Variants in LRP1B observed in about 807,000 individuals in gnomAD.
LRP1B encodes low-density lipoprotein receptor-related protein 1B.
Under a neutral mutation model 556.6 loss-of-function variants are expected in LRP1B, and 217 were observed. That is an observed-to-expected ratio of 0.39 (90% CI 0.35 to 0.44). LRP1B has a LOEUF of 0.44. LRP1B is among the 20% of genes least tolerant of loss of function. LRP1B has a pLI of 1.00. For synonymous variants in LRP1B, 2,047 were observed against 1,865.8 expected (o/e 1.10, Z -2.50); for missense variants, 5,053 against 5,620.8 (o/e 0.90, Z 3.23).
Position 140,994,125 on chromosome 2 carries a change from T to A in LRP1B, c.2514A>T (p.Gly838=), listed in dbSNP as rs111231098. ...ENGTTCTFNP[G]EALPHICKAG... Reference sequence around the variant, plus strand: ...CTTTACATATGTGAGGTAGTGCTTCTCCAGGATTAACTAGAGTTAAAAAAA... The same window carrying A: ...CTTTACATATGTGAGGTAGTGCTTCACCAGGATTAACTAGAGTTAAAAAAA... The change falls in exon 16 of 91, where the codon GGA becomes GGT. Residue 838 remains glycine, a synonymous_variant. Coordinates refer to ENST00000389484, the MANE Select transcript of LRP1B (RefSeq NM_018557.3). The A allele has an allele frequency of 4.8e-5, 77 of 1,612,328 alleles. 1 individual carries two copies. In the Admixed American group the frequency reaches 9.5e-4, roughly 20 times the overall value.
At chr2:140,579,231 A>T (rs548375217) in intron 43 of LRP1B, among the ~76,000 whole-genome samples, 1 of 152,284 alleles carries the variant, frequency 6.6e-6, no homozygotes, top group Non-Finnish European at 1.5e-5. Context: ...TATATTGAAG[A>T]AAGATAGAGA....
At chr2:141,217,950 A>G (rs1234550675) in intron 6 of LRP1B, among the ~76,000 whole-genome samples, 1 of 152,190 alleles carries the variant, frequency 6.6e-6, no homozygotes, top group African/African-American at 2.4e-5. Flanking sequence ...TCAAAAGAAG[A>G]TATACAAGTG....
chr2:140,920,338 C>T (rs1694701246), intron 21 of LRP1B, among the ~76,000 whole-genome samples: 1 of 151,928 alleles, frequency 6.6e-6, no homozygotes, highest in South Asian at 2.1e-4. Context: ...ATTTAAAAAC[C>T]TACTGTGCCT....
At chr2:141,500,629 T>C (rs999735483) in intron 2 of LRP1B, among the ~76,000 whole-genome samples, 1 of 152,164 alleles carries the variant, frequency 6.6e-6, no homozygotes. Flanking sequence ...AGAAGGAATA[T>C]TATGGCAAAT....
chr2:142,120,100 C>A (rs1456752777), intron 1 of LRP1B, among the ~76,000 whole-genome samples: 1 of 127,976 alleles, frequency 7.8e-6, no homozygotes, highest in African/African-American at 3.0e-5. Context: ...CCACTCACTT[C>A]TTTACTACAG....
intron 7 of LRP1B, among the ~76,000 whole-genome samples, chr2:141,067,532 T>C (rs958092538): frequency 6.6e-6 from 1 of 152,056 alleles, no homozygotes; most frequent in Admixed American, 6.6e-5. Flanking sequence ...TCTGGAAACA[T>C]TCCCACTAGT....
chr2:141,291,971 C>A (rs1685984807), intron 3 of LRP1B, among the ~76,000 whole-genome samples: 1 of 151,066 alleles, frequency 6.6e-6, no homozygotes, highest in Admixed American at 6.6e-5. Context: ...TCCCCTATAC[C>A]AGGGGTCCCC....
chr2:141,202,892 CGACAGGCCCT>C (rs901911727), intron 6 of LRP1B, among the ~76,000 whole-genome samples: 21 of 152,116 alleles, frequency 1.4e-4, no homozygotes, highest in African/African-American at 5.1e-4. Flanking sequence ...CCCCACCCCC[CGACAGGCCCT>C]GGTGTGTGAT....
chr2:141,456,001 T>C (rs2105031701), intron 3 of LRP1B, among the ~76,000 whole-genome samples: 2 of 152,340 alleles, frequency 1.3e-5, no homozygotes, highest in Middle Eastern at 6.8e-3. Flanking sequence ...CATGGGCTTC[T>C]GGCTGAGTAC....
intron 1 of LRP1B, among the ~76,000 whole-genome samples, chr2:142,018,841 C>T (rs955725251): frequency 5.9e-5 from 9 of 151,754 alleles, no homozygotes; most frequent in East Asian, 1.9e-4. Flanking sequence ...AAGATAAATG[C>T]CTAAATTCTC....
At chr2:140,532,559 G>T (rs1263075207) in intron 47 of LRP1B, among the ~76,000 whole-genome samples, 1 of 151,850 alleles carries the variant, frequency 6.6e-6, no homozygotes, top group East Asian at 1.9e-4. Flanking sequence ...ACCACGCCTG[G>T]CTAATTTTTG....
intron 81 of LRP1B, among the ~76,000 whole-genome samples, chr2:140,322,436 A>G (rs1403374443): frequency 6.6e-6 from 1 of 152,050 alleles, no homozygotes. Flanking sequence ...AACTAAAGCC[A>G]ATGGAAGTTT....
At chr2:141,086,028 A>T (rs1451057724) in intron 7 of LRP1B, among the ~76,000 whole-genome samples, 1 of 152,200 alleles carries the variant, frequency 6.6e-6, no homozygotes, top group Non-Finnish European at 1.5e-5. Flanking sequence ...GTTTTCATGC[A>T]TGCCAGAGGA....
chr2:140,673,408 CTCA>C lies in LRP1B; in HGVS notation c.6799+26839_6799+26841del, dbSNP rs1685557430. Among the ~76,000 whole-genome samples the C allele has an allele frequency of 2.0e-5, 3 of 151,994 alleles. No individual in the cohort carries two copies. The East Asian group carries it at 5.8e-4, about 29-fold the overall frequency. On this transcript the variant is annotated intron_variant, in intron 41 of 90. Transcript: ENST00000389484. ...TAACATATTCATTTCTCTTTGAGCC[CTCA>C]TCAATATTCTTCATGTCCACATTTC...
chr2:140,998,284 TA>T (rs1697313115), intron 15 of LRP1B, among the ~76,000 whole-genome samples: 1 of 152,082 alleles, frequency 6.6e-6, no homozygotes, highest in African/African-American at 2.4e-5. Flanking sequence ...TTTAGGCCAC[TA>T]AAGAAGAATT....
chr2:140,494,095 G>A (rs1480860881), intron 56 of LRP1B, among the ~76,000 whole-genome samples: 1 of 152,060 alleles, frequency 6.6e-6, no homozygotes, highest in Admixed American at 6.6e-5. Context: ...TGTAGTGCAA[G>A]ATTTATGCTT....
chr2:141,793,833 TC>T (rs1475651580), intron 2 of LRP1B, among the ~76,000 whole-genome samples: 1 of 151,898 alleles, frequency 6.6e-6, no homozygotes, highest in East Asian at 1.9e-4. Context: ...CCTTCTTTTT[TC>T]TCTTCATTTT....
chr2:140,984,621 C>T (rs1405068690), intron 17 of LRP1B, among the ~76,000 whole-genome samples: 1 of 152,050 alleles, frequency 6.6e-6, no homozygotes, highest in Non-Finnish European at 1.5e-5. Flanking sequence ...TTCTATGAAC[C>T]TGTCTCATAT....
intron 3 of LRP1B, among the ~76,000 whole-genome samples, chr2:141,396,627 A>AT (rs1690245486): frequency 6.6e-6 from 1 of 152,174 alleles, no homozygotes; most frequent in Non-Finnish European, 1.5e-5. Context: ...TCAGGAATAA[A>AT]ATTGTAGATG....
Sources: gnomAD v4.1 joint callset for allele counts (sites outside exome capture counted in the v4.1 genomes callset) on GRCh38, gnomAD v4.1.1 for gene constraint, MANE v1.5 for transcripts, NCBI Gene and HGNC (gene_info 2026-07-23, HGNC 2026-07-21) for gene names.